The following RPH3AL variants were observed in gnomAD, a reference collection of about 807,000 sequenced individuals.
The protein encoded by RPH3AL is rabphilin 3A like (without C2 domains).
RPH3AL carries 38 observed loss-of-function variants against 43.1 expected under a neutral mutation model. The observed-to-expected ratio is 0.88, with a 90% CI of 0.68 to 1.15. The LOEUF is 1.15. Among genes scored for constraint, RPH3AL ranks in the 50% most tolerant of loss-of-function variants. The probability of loss-of-function intolerance (pLI) is 0.00; values close to 1 mark genes in which losing one functional copy is unlikely to be tolerated. For synonymous variants in RPH3AL, 189 were observed against 176.3 expected (o/e 1.07, Z -0.57); for missense variants, 462 against 423.2 (o/e 1.09, Z -0.81).
chr17:290,626 G>C lies in RPH3AL; in HGVS notation c.352-8772C>G, dbSNP rs1426976385. 6.6e-6 allele frequency among the ~76,000 whole-genome samples: 1 copy of C among 152,082 alleles called. No individual in the cohort carries two copies. The highest frequency in any genetic ancestry group is 1.9e-4 in the East Asian group (1 of 5,192). Reference sequence around the variant, plus strand: ...CCCAAGAGTCACAATGCGACAGAAGGTTCTGCTGGGCCACTCCAAAGTTCA... The same window carrying C: ...CCCAAGAGTCACAATGCGACAGAAGCTTCTGCTGGGCCACTCCAAAGTTCA... On this transcript the variant is annotated intron_variant, in intron 5 of 9. Transcript: ENST00000331302. The surrounding 1 kb of genome is among the most constrained non-coding windows in gnomAD (Gnocchi z 4.2).
intron 6 of RPH3AL, 65 bp from the exon 7 acceptor site, chr17:247,350 C>A: frequency 6.9e-7 from 1 of 1,456,456 alleles, no homozygotes; most frequent in East Asian, 2.4e-5. Context: ...CTGCTCCTTG[C>A]CCAGATGACG....
intron 6 of RPH3AL, among the ~76,000 whole-genome samples, chr17:272,744 C>T (rs557406972): frequency 5.6e-4 from 80 of 143,052 alleles, no homozygotes; most frequent in African/African-American, 2.0e-3. Context: ...TACCCTAGAA[C>T]TTAAAGTATT....
chr17:283,280 C>T lies in RPH3AL; in HGVS notation c.352-1426G>A, dbSNP rs1398796749. 4.6e-5 allele frequency among the ~76,000 whole-genome samples: 7 copies of T among 152,126 alleles called. No homozygotes were observed. Among genetic ancestry groups the T allele is most frequent in the East Asian group, 3.9e-4 (2 of 5,182 alleles). On this transcript the variant is annotated intron_variant, in intron 5 of 9. Coordinates refer to ENST00000331302, the MANE Select transcript of RPH3AL (RefSeq NM_006987.4). The surrounding 1 kb of genome is among the most constrained non-coding windows in gnomAD (Gnocchi z 4.2). ...GAAAATGTCACCAACTTGGCTTCCA[C>T]GTCGAGCGTGTCGAGCGTGTGGAGG...
chr17:253,489 G>A (rs2041966929), intron 6 of RPH3AL, among the ~76,000 whole-genome samples: 1 of 152,138 alleles, frequency 6.6e-6, no homozygotes, highest in African/African-American at 2.4e-5. Context: ...CTCCGGGTAT[G>A]CGCAATCCTT....
intron 6 of RPH3AL, among the ~76,000 whole-genome samples, chr17:253,481 C>G (rs1555543444): frequency 6.6e-6 from 1 of 152,150 alleles, no homozygotes; most frequent in African/African-American, 2.4e-5. Flanking sequence ...GTTTTGGCCT[C>G]CGGGTATGCG....
intron 6 of RPH3AL, among the ~76,000 whole-genome samples, chr17:275,133 A>T (rs2042622439): frequency 6.6e-6 from 1 of 152,080 alleles, no homozygotes; most frequent in Admixed American, 6.6e-5. Context: ...ACACCCCATA[A>T]TCCAAGAGAA....
intron 5 of RPH3AL, among the ~76,000 whole-genome samples, chr17:316,767 G>GT (rs2044234219): frequency 3.2e-5 from 4 of 123,508 alleles, no homozygotes; most frequent in Non-Finnish European, 5.0e-5. Flanking sequence ...CCATTGACCT[G>GT]AAGTCCCTGT....
intron 7 of RPH3AL, among the ~76,000 whole-genome samples, chr17:243,650 C>CCCTTCCTCTATTGATTA (rs1555538244): frequency 0.045 from 3,022 of 67,054 alleles, 191 homozygotes; most frequent in Admixed American, 0.071. Flanking sequence ...CTATTGATTA[C>CCCTTCCTCTATTGATTA]CCTTCCTCTA....
At chr17:316,741 T>C (rs1443510976) in intron 5 of RPH3AL, among the ~76,000 whole-genome samples, 1 of 143,922 alleles carries the variant, frequency 6.9e-6, no homozygotes, top group African/African-American at 2.7e-5. Context: ...TGACCTGTAG[T>C]CCATGTGCCC....
intron 5 of RPH3AL, among the ~76,000 whole-genome samples, chr17:301,567 G>A (rs926586171): frequency 6.6e-6 from 1 of 152,074 alleles, no homozygotes; most frequent in Non-Finnish European, 1.5e-5. Context: ...GGCCTCCCAA[G>A]TAGCTGGGAC....
rs1484347519 is a variant in RPH3AL, at chr17:265,000, AT to A, written c.438+16767del. Among the ~76,000 whole-genome samples the A allele has an allele frequency of 1.3e-5, 2 of 152,214 alleles. No homozygotes were observed. Among genetic ancestry groups the A allele is most frequent in the East Asian group, 3.8e-4 (2 of 5,196 alleles). On this transcript the variant is annotated intron_variant, in intron 6 of 9. Transcript: ENST00000331302. The surrounding 1 kb of genome is among the most constrained non-coding windows in gnomAD (Gnocchi z 4.8). ...GTTAACAAAACAAATCTGACCCAAA[AT>A]TCCAGATTGTCTCAATAAAACCCAA...
intron 7 of RPH3AL, among the ~76,000 whole-genome samples, chr17:228,784 T>C (rs1372189372): frequency 5.9e-5 from 9 of 152,056 alleles, no homozygotes; most frequent in Admixed American, 5.9e-4. Flanking sequence ...GAAATCCTCC[T>C]CTCCAGGCGG....
intron 5 of RPH3AL, among the ~76,000 whole-genome samples, chr17:301,663 T>G (rs2043331813): frequency 6.6e-6 from 1 of 152,112 alleles, no homozygotes; most frequent in African/African-American, 2.4e-5. Context: ...GGTCTCAAAC[T>G]CCTGGCTTCC....
intron 5 of RPH3AL, among the ~76,000 whole-genome samples, chr17:296,169 C>A (rs1260313930): frequency 4.5e-5 from 4 of 88,530 alleles, no homozygotes; most frequent in Admixed American, 2.4e-4. Context: ...GAGCTGCAGA[C>A]ATGAACGGGC....
chr17:327,329 G>A (rs1456912235), intron 3 of RPH3AL, 138 bp downstream of exon 3: 97 of 734,940 alleles, frequency 1.3e-4, no homozygotes, highest in Non-Finnish European at 1.5e-4. Flanking sequence ...TCCAGGGCCT[G>A]GAGTGTGGCA....
intron 5 of RPH3AL, among the ~76,000 whole-genome samples, chr17:285,440 C>T (rs554389581): frequency 8.5e-5 from 13 of 152,318 alleles, no homozygotes; most frequent in Admixed American, 3.3e-4. Flanking sequence ...GGAAAAGCAA[C>T]CAGCACGTAA....
rs1288040349 is a variant in RPH3AL at position 315,964 on chromosome 17, C to G, written c.351+3456G>C. On this transcript the variant is annotated intron_variant, in intron 5 of 9. Coordinates refer to ENST00000331302, the MANE Select transcript of RPH3AL (RefSeq NM_006987.4). ...CATTGACCTGTAGTCCCTGTGACCC[C>G]ACCTCCACTGACGTGTAGTCCCTGT... is the stretch of plus-strand genomic sequence containing the variant. 4.2e-5 allele frequency among the ~76,000 whole-genome samples: 6 copies of G among 143,444 alleles called. No homozygotes were observed. The East Asian group carries it at 6.0e-4, about 14-fold the overall frequency. The allele number at this position is 143,444 out of a possible 152,430, so 94.1% of individuals were successfully genotyped here.
chr17:321,578 G>C, intron 3 of RPH3AL, 163 bp from the exon 4 acceptor site: 1 of 717,854 alleles, frequency 1.4e-6, no homozygotes, highest in Non-Finnish European at 2.1e-6. Flanking sequence ...GGTGGCAACA[G>C]AGATGGCCCA....
chr17:265,242 A>G (rs2042293360), intron 6 of RPH3AL, among the ~76,000 whole-genome samples: 1 of 152,086 alleles, frequency 6.6e-6, no homozygotes, highest in Non-Finnish European at 1.5e-5. Flanking sequence ...GCATGCCACC[A>G]TGCCCAGCTA....
Sources: gnomAD v4.1 joint callset for allele counts (sites outside exome capture counted in the v4.1 genomes callset) on GRCh38, gnomAD v4.1.1 for gene constraint, Gnocchi (gnomAD v3.1) non-coding constraint, MANE v1.5 for transcripts, NCBI Gene and HGNC (gene_info 2026-07-23, HGNC 2026-07-21) for gene names.